AHCYL2: variants seen among roughly 807,000 people sequenced by gnomAD.
AHCYL2 encodes S-adenosylhomocysteine hydrolase-like protein 2.
A neutral mutation model predicts 81.4 loss-of-function variants in AHCYL2; 28 were observed. The ratio of observed to expected loss-of-function variants is 0.34; its 90% CI spans 0.25 to 0.47. The LOEUF (loss-of-function observed/expected upper bound fraction) is 0.47, where lower values mean the gene tolerates loss of function less well. Ranked by LOEUF, AHCYL2 falls within the 20% of genes least tolerant of loss-of-function variation. AHCYL2 has a pLI of 1.00. For synonymous variants in AHCYL2, 272 were observed against 290.2 expected (o/e 0.94, Z 0.64); for missense variants, 551 against 785.1 (o/e 0.70, Z 3.56).
chr7:129,257,007 T>G (rs1021180489), intron 1 of AHCYL2, among the ~76,000 whole-genome samples: 1 of 152,104 alleles, frequency 6.6e-6, no homozygotes, highest in African/African-American at 2.4e-5. Flanking sequence ...ACATGATCCT[T>G]TTGAGCAACC....
chr7:129,290,964 T>C (rs1163386330), intron 1 of AHCYL2, among the ~76,000 whole-genome samples: 2 of 151,838 alleles, frequency 1.3e-5, no homozygotes, highest in East Asian at 3.9e-4. Context: ...GTTAATATTA[T>C]TTAATTGCCA....
At chr7:129,375,776 C>T in intron 1 of AHCYL2, 1 of 1,515,720 alleles carries the variant, frequency 6.6e-7, no homozygotes, top group Non-Finnish European at 8.8e-7. Flanking sequence ...TGGCTGGAAC[C>T]AGAGCCAACA....
chr7:129,420,353 A>G (rs1395918457), intron 12 of AHCYL2, among the ~76,000 whole-genome samples: 1 of 152,042 alleles, frequency 6.6e-6, no homozygotes, highest in African/African-American at 2.4e-5. Flanking sequence ...AAAAACTGCC[A>G]TTGTCACCAA....
chr7:129,310,788 G>A (rs1797628140), intron 1 of AHCYL2, among the ~76,000 whole-genome samples: 1 of 152,094 alleles, frequency 6.6e-6, no homozygotes, highest in African/African-American at 2.4e-5. Flanking sequence ...GCAAGCTCTA[G>A]GGAAAATGTT....
In AHCYL2 at chr7:129,419,479, G is replaced by A. The variant is rs886835929; in HGVS notation, c.1462-3361G>A. Among the ~76,000 whole-genome samples, 21 of 152,218 alleles carry A rather than the reference G, an allele frequency of 1.4e-4. No homozygotes were observed. The highest frequency in any genetic ancestry group is 5.8e-4 in the East Asian group (3 of 5,172). ...TGAGGCAGGAGAATCGCCTGAACCCGGGAGGCGGAGGTTGCAGTGAGCCAA... is the reference window on the plus strand; with the variant it reads ...TGAGGCAGGAGAATCGCCTGAACCCAGGAGGCGGAGGTTGCAGTGAGCCAA... On this transcript the variant is annotated intron_variant, in intron 12 of 16. Transcript: ENST00000325006. This position sits in a 1 kb window ranked among gnomAD's most constrained non-coding sequence, Gnocchi z 4.7.
At chr7:129,382,380 A>C (rs1000551128) in intron 2 of AHCYL2, among the ~76,000 whole-genome samples, 3 of 152,178 alleles carry the variant, frequency 2.0e-5, no homozygotes, top group African/African-American at 7.2e-5. Flanking sequence ...CAGGCAGATC[A>C]CCTGAGGTCA....
intron 1 of AHCYL2, among the ~76,000 whole-genome samples, chr7:129,293,651 C>A (rs61570833): frequency 0.24 from 36,506 of 151,272 alleles, 4,409 homozygotes; most frequent in South Asian, 0.37. Flanking sequence ...AAAAAAAAAA[C>A]CCCAAAAACT....
chr7:129,225,580 C>T (rs1406150048), intron 1 of AHCYL2, 141 bp downstream of exon 1: 3 of 1,347,926 alleles, frequency 2.2e-6, no homozygotes, highest in South Asian at 3.5e-5. Context: ...TAAACCCACT[C>T]TCTCAGAGAT....
rs1015697422 is a variant in AHCYL2 at position 129,400,387 on chromosome 7, G to C, written c.918+3G>C. The C allele has an allele frequency of 6.2e-7, 1 of 1,612,536 alleles. No homozygotes were observed. The highest frequency in any genetic ancestry group is 1.3e-5 in the African/African-American group (1 of 74,860). On this transcript the variant is annotated splice_donor_region_variant and intron_variant, in intron 6 of 16. Transcript: ENST00000325006. ...TGGAGGGCTGGCAGCCAAACATGGT[G>C]GGTCAGATTTCTGCTAACACAATTC... is the stretch of plus-strand genomic sequence containing the variant.
chr7:129,279,244 G>GC (rs1796337810), intron 1 of AHCYL2, among the ~76,000 whole-genome samples: 1 of 143,188 alleles, frequency 7.0e-6, no homozygotes, highest in Non-Finnish European at 1.5e-5. Flanking sequence ...GTGTTTGGTA[G>GC]TTTTTTTTTT....
intron 1 of AHCYL2, among the ~76,000 whole-genome samples, chr7:129,277,821 A>G (rs1796279165): frequency 2.0e-5 from 3 of 152,152 alleles, no homozygotes; most frequent in Admixed American, 2.0e-4. Context: ...GTTAGACCAC[A>G]TTTGATTTAT....
intron 1 of AHCYL2, among the ~76,000 whole-genome samples, chr7:129,370,417 C>A (rs1206973363): frequency 2.0e-5 from 3 of 147,784 alleles, no homozygotes; most frequent in Non-Finnish European, 3.0e-5. Flanking sequence ...AAATTTGCAG[C>A]CGGGTGCGGT....
intron 1 of AHCYL2, among the ~76,000 whole-genome samples, chr7:129,316,937 C>G (rs953904902): frequency 3.9e-5 from 6 of 152,228 alleles, no homozygotes; most frequent in African/African-American, 1.2e-4. Flanking sequence ...GATGAAGAAG[C>G]CTTGAGCTGA....
intron 2 of AHCYL2, among the ~76,000 whole-genome samples, chr7:129,385,396 A>G (rs1563225651): frequency 1.3e-5 from 2 of 152,220 alleles, no homozygotes; most frequent in South Asian, 4.1e-4. Flanking sequence ...CCTAGCAGTA[A>G]CTCACAGTAT....
At chr7:129,395,932 C>A (rs1403220735) in intron 4 of AHCYL2, among the ~76,000 whole-genome samples, 1 of 152,176 alleles carries the variant, frequency 6.6e-6, no homozygotes, top group African/African-American at 2.4e-5. Flanking sequence ...TTCTTCCCCC[C>A]ATGCACTGCC....
chr7:129,381,944 T>C (rs1327672061), intron 2 of AHCYL2, among the ~76,000 whole-genome samples: 1 of 152,222 alleles, frequency 6.6e-6, no homozygotes, highest in African/African-American at 2.4e-5. Flanking sequence ...TTACCTTGTT[T>C]TGTTTTTTGT....
At chr7:129,320,382 G>A (rs935030353) in intron 1 of AHCYL2, among the ~76,000 whole-genome samples, 1 of 152,124 alleles carries the variant, frequency 6.6e-6, no homozygotes, top group Non-Finnish European at 1.5e-5. Context: ...GCAATGGCAC[G>A]TCTCGGCTAC....
At chr7:129,312,852 C>T (rs1797710055) in intron 1 of AHCYL2, among the ~76,000 whole-genome samples, 1 of 152,144 alleles carries the variant, frequency 6.6e-6, no homozygotes, top group South Asian at 2.1e-4. Context: ...ACTATTCAGA[C>T]TTACATCACC....
intron 1 of AHCYL2, among the ~76,000 whole-genome samples, chr7:129,241,950 G>A (rs530596694): frequency 2.2e-4 from 34 of 151,700 alleles, no homozygotes; most frequent in African/African-American, 7.8e-4. Flanking sequence ...TTCCCATAAG[G>A]CCCACAAAGG....
Sources: gnomAD v4.1 joint callset for allele counts (sites outside exome capture counted in the v4.1 genomes callset) on GRCh38, gnomAD v4.1.1 for gene constraint, Gnocchi (gnomAD v3.1) non-coding constraint, MANE v1.5 for transcripts, NCBI Gene and HGNC (gene_info 2026-07-23, HGNC 2026-07-21) for gene names.